Variants in IL1A observed in about 807,000 individuals in gnomAD.
IL1A encodes the protein interleukin-1 alpha.
A neutral mutation model predicts 22.2 loss-of-function variants in IL1A; 16 were observed. The ratio of observed to expected loss-of-function variants is 0.72; its 90% CI spans 0.49 to 1.09. The LOEUF is 1.09. Among genes scored for constraint, IL1A ranks in the 50% least tolerant of loss-of-function variants. The pLI, the probability that IL1A is intolerant of heterozygous loss-of-function variation, is 0.00. For synonymous variants in IL1A, 113 were observed against 118.5 expected (o/e 0.95, Z 0.30); for missense variants, 317 against 321.8 (o/e 0.99, Z 0.11).
In IL1A at chr2:112,782,765, CT is replaced by C; in HGVS notation, c.48-2del. On this transcript the variant is annotated splice_acceptor_variant, in intron 2 of 6. Transcript: ENST00000263339. LOFTEE classifies it high-confidence loss of function. ...GGAGGAACTGTCTTCTTCATTTTCA[CT>C]GTCAAAATAAGATGATGAGAATGTA... 2 of 1,603,380 alleles carry C rather than the reference CT, an allele frequency of 1.2e-6. No homozygotes were observed. The highest frequency in any genetic ancestry group is 1.1e-5 in the South Asian group (1 of 90,742).
At chr2:112,778,195 T>G (rs1681134006) in intron 5 of IL1A, 84 bp from the exon 6 acceptor site, 21 of 136,388 alleles carry the variant, frequency 1.5e-4, no homozygotes, top group Middle Eastern at 3.3e-3. Flanking sequence ...GTGTGCATGG[T>G]GTGTGTGTGT....
Position 112,781,232 on chromosome 2 carries a change from C to T in IL1A, c.319+372G>A, listed in dbSNP as rs3783577. Among the ~76,000 whole-genome samples the T allele has an allele frequency of 8.5e-4, 129 of 152,166 alleles. 1 individual carries two copies. Among genetic ancestry groups the T allele is most frequent in the African/African-American group, 3.0e-3 (123 of 41,512 alleles). ...CCAATGAGTGGGGGATTCTGATTAT[C>T]TCCATTTTACAGTAGAGGAAACTGA... is the stretch of plus-strand genomic sequence containing the variant. On this transcript the variant is annotated intron_variant, in intron 4 of 6. Transcript: ENST00000263339.
chr2:112,778,263 C>G, intron 5 of IL1A, 152 bp from the exon 6 acceptor site: 3 of 642,108 alleles, frequency 4.7e-6, no homozygotes, highest in Non-Finnish European at 7.9e-6. Context: ...GTGTAAATAC[C>G]TGGAAGTCAG....
At chr2:112,782,878 T>G in intron 2 of IL1A, 114 bp from the exon 3 acceptor site, 1 of 705,820 alleles carries the variant, frequency 1.4e-6, no homozygotes, top group Admixed American at 2.3e-5. Context: ...TGGCCATTAC[T>G]GTCATCTTTG....
At chr2:112,775,430 T>C (rs1681083771) in intron 6 of IL1A, among the ~76,000 whole-genome samples, 163 bp from the exon 7 acceptor site, 1 of 152,262 alleles carries the variant, frequency 6.6e-6, no homozygotes, top group Non-Finnish European at 1.5e-5. Context: ...AGCAAGCATT[T>C]ATTACATGCC....
intron 4 of IL1A, among the ~76,000 whole-genome samples, chr2:112,780,579 A>T (rs1452237223): frequency 1.3e-5 from 2 of 152,236 alleles, no homozygotes; most frequent in South Asian, 4.1e-4. Flanking sequence ...AGGCTCTCCC[A>T]CTTACAGATG....
chr2:112,779,417 G>A (rs1035714873), intron 5 of IL1A, 79 bp downstream of exon 5: 41 of 1,216,994 alleles, frequency 3.4e-5, no homozygotes, highest in Non-Finnish European at 4.5e-5. Context: ...TTTTTTGCAA[G>A]CAGAAAGATT....
chr2:112,779,551 A>G lies in IL1A; in HGVS notation c.435T>C (p.Ile145=). Residue 145 remains isoleucine (I), a synonymous_variant, in exon 5 of 7, where the codon ATT becomes ATC. Transcript: ENST00000263339. ...CCGTGAGGTACTGATCATTGGCTCG[A>G]ATTATACTTTGATTGAGGGCGTCAT... ...ILNDALNQSI[I]RANDQYLTAA... 1 of 1,610,874 alleles carries G rather than the reference A, an allele frequency of 6.2e-7. No homozygotes were observed. Among genetic ancestry groups the G allele is most frequent in the South Asian group, 1.1e-5 (1 of 90,800 alleles).
At chr2:112,775,664 C>G (rs1681088071) in intron 6 of IL1A, among the ~76,000 whole-genome samples, 1 of 131,090 alleles carries the variant, frequency 7.6e-6, no homozygotes, top group Non-Finnish European at 1.6e-5. Context: ...ATTTTGATCT[C>G]CAAGTGAACA....
intron 2 of IL1A, among the ~76,000 whole-genome samples, chr2:112,783,091 C>T (rs1001569377): frequency 6.6e-6 from 1 of 152,176 alleles, no homozygotes; most frequent in African/African-American, 2.4e-5. Context: ...TTTTGAAGCA[C>T]TTCCTTTTTA....
chr2:112,779,017 A>G (rs1269761600), intron 5 of IL1A, among the ~76,000 whole-genome samples: 1 of 152,250 alleles, frequency 6.6e-6, no homozygotes, highest in African/African-American at 2.4e-5. Context: ...CCATATTTGT[A>G]GCTTATTGGA....
chr2:112,775,209 C>A lies in IL1A; in HGVS notation c.674G>T (p.Trp225Leu). 1 of 1,614,188 alleles carries A rather than the reference C, an allele frequency of 6.2e-7. No homozygotes were observed. The highest frequency in any genetic ancestry group is 1.3e-5 in the African/African-American group (1 of 75,042). ...TGSETNLLFF[W>L]ETHGTKNYFT... ...ATAGTTCTTAGTGCCGTGAGTTTCCCAGAAGAAGAGGAGGTTGGTCTCACT... is the reference window on the plus strand; with the variant it reads ...ATAGTTCTTAGTGCCGTGAGTTTCCAAGAAGAAGAGGAGGTTGGTCTCACT... The change falls in exon 7 of 7, where the codon TGG (tryptophan) becomes TTG (leucine). Residue 225 changes from tryptophan (W) to leucine (L), a missense_variant. Coordinates refer to ENST00000263339, the MANE Select transcript of IL1A (RefSeq NM_000575.5).
chr2:112,782,662 A>G (rs1681232651), intron 3 of IL1A, 54 bp downstream of exon 3: 1 of 1,297,050 alleles, frequency 7.7e-7, no homozygotes, highest in African/African-American at 1.5e-5. Context: ...CTTTGGATGA[A>G]GAAACCACTG....
At position 112,774,293 on chromosome 2, in the gene IL1A, G is replaced by A. The variant is rs976282891; in HGVS notation, c.*774C>T. On this transcript the variant is annotated 3_prime_UTR_variant, in exon 7 of 7. Coordinates refer to ENST00000263339, the MANE Select transcript of IL1A (RefSeq NM_000575.5). ...CTGGCTATGGGATAAGCACAACTTG[G>A]ACCAAAATGCCCTGTATTAATGAAA... 1.3e-5 allele frequency: 2 copies of A among 151,994 alleles called. No homozygotes were observed. Among genetic ancestry groups the A allele is most frequent in the African/African-American group, 4.8e-5 (2 of 41,392 alleles). 9.4% of individuals were successfully genotyped at this position (151,994 alleles called of 1,614,324 possible).
At chr2:112,779,250 TG>T (rs3783582) in intron 5 of IL1A, among the ~76,000 whole-genome samples, 1,559 of 152,308 alleles carry the variant, frequency 0.01, 23 homozygotes, top group African/African-American at 0.036. Context: ...CAGCTAGCTT[TG>T]TGCACAACCC....
Position 112,782,776 on chromosome 2 carries a change from A to C in IL1A, c.48-12T>G. 6.3e-7 allele frequency: 1 copy of C among 1,592,170 alleles called. No individual in the cohort carries two copies. The highest frequency in any genetic ancestry group is 8.6e-7 in the Non-Finnish European group (1 of 1,160,140). On this transcript the variant is annotated splice_polypyrimidine_tract_variant and intron_variant, in intron 2 of 6. Coordinates refer to ENST00000263339, the MANE Select transcript of IL1A (RefSeq NM_000575.5). Reference sequence around the variant, plus strand: ...CTTCTTCATTTTCACTGTCAAAATAAGATGATGAGAATGTAATTGTTGTTA... The same window carrying C: ...CTTCTTCATTTTCACTGTCAAAATACGATGATGAGAATGTAATTGTTGTTA...
rs1325381082 is a variant in IL1A at position 112,774,460 on chromosome 2, A to T, written c.*607T>A. The T allele has an allele frequency of 2.6e-5, 4 of 151,044 alleles. No homozygotes were observed. The highest frequency in any genetic ancestry group is 9.7e-5 in the African/African-American group (4 of 41,286). 9.4% of individuals were successfully genotyped at this position (151,044 alleles called of 1,614,324 possible). A position where few individuals can be genotyped will look rare whatever the true frequency, so the allele number is the denominator to read the frequency against. On this transcript the variant is annotated 3_prime_UTR_variant, in exon 7 of 7. Transcript: ENST00000263339. ...ATAAATACATATATAAATAATAATTAAAAAATAACATTTCGTGCTTTGCCT... is the reference window on the plus strand; with the variant it reads ...ATAAATACATATATAAATAATAATTTAAAAATAACATTTCGTGCTTTGCCT...
At chr2:112,782,564 G>A in intron 3 of IL1A, 152 bp downstream of exon 3, 1 of 615,700 alleles carries the variant, frequency 1.6e-6, no homozygotes, top group South Asian at 2.0e-5. Context: ...TAGAGAGGCA[G>A]CTGGTCTCAC....
chr2:112,775,219 G>C lies in IL1A; in HGVS notation c.664C>G (p.Leu222Val), dbSNP rs1324501398. 1.2e-6 allele frequency: 2 copies of C among 1,614,058 alleles called. No individual in the cohort carries two copies. Among genetic ancestry groups the C allele is most frequent in the Non-Finnish European group, 1.7e-6 (2 of 1,180,026 alleles). ...GTGCCGTGAGTTTCCCAGAAGAAGA[G>C]GAGGTTGGTCTCACTACCTGTGATG... is the stretch of plus-strand genomic sequence containing the variant. Reference protein sequence around the residue: ...KTITGSETNLLFFWETHGTKN... With the variant: ...KTITGSETNLVFFWETHGTKN... Residue 222 changes from leucine (L) to valine (V), a missense_variant, in exon 7 of 7, where the codon CTC (leucine) becomes GTC (valine). Leu to Val is a conservative substitution (Grantham distance 32). Transcript: ENST00000263339.
Sources: allele counts gnomAD v4.1 joint callset (sites outside exome capture counted in the v4.1 genomes callset), GRCh38; gene constraint gnomAD v4.1.1; transcripts MANE v1.5; gene names NCBI Gene and HGNC (gene_info 2026-07-23, HGNC 2026-07-21).